GNB1: variants seen among roughly 807,000 people sequenced by gnomAD.
GNB1 encodes the protein guanine nucleotide-binding protein G(I)/G(S)/G(T) subunit beta-1.
GNB1 carries 2 observed loss-of-function variants against 42.9 expected under a neutral mutation model. The observed-to-expected ratio is 0.05, with a 90% CI of 0.02 to 0.15. The LOEUF (loss-of-function observed/expected upper bound fraction) is 0.15. Among genes scored for constraint, GNB1 ranks in the 10% least tolerant of loss-of-function variants. The pLI, the probability that GNB1 is intolerant of heterozygous loss-of-function variation, is 1.00. For missense variants in GNB1, 193 were observed against 462.2 expected (o/e 0.42, Z 5.34); for synonymous variants, 183 against 174.7 (o/e 1.05, Z -0.38).
chr1:1,876,784 G>A (rs1557948243), intron 1 of GNB1, among the ~76,000 whole-genome samples: 1 of 152,192 alleles, frequency 6.6e-6, no homozygotes, highest in Admixed American at 6.6e-5. Context: ...TTTGTAGCAT[G>A]TCATTCAGTC....
chr1:1,816,911 G>A (rs539504031), intron 4 of GNB1, among the ~76,000 whole-genome samples: 1 of 152,238 alleles, frequency 6.6e-6, no homozygotes, highest in Non-Finnish European at 1.5e-5. Flanking sequence ...GCCTCCCAAA[G>A]TGCTGGGATG....
chr1:1,824,484 A>C (rs1476248178), intron 3 of GNB1, among the ~76,000 whole-genome samples: 1 of 152,168 alleles, frequency 6.6e-6, no homozygotes, highest in East Asian at 1.9e-4. Flanking sequence ...ATCCTACATC[A>C]GTCACAGACT....
chr1:1,863,955 T>G (rs1648770521), intron 1 of GNB1, among the ~76,000 whole-genome samples: 1 of 152,118 alleles, frequency 6.6e-6, no homozygotes, highest in African/African-American at 2.4e-5. Flanking sequence ...TCCTAAAATT[T>G]TGGAAGGCCA....
chr1:1,792,527 T>C (rs1483735964), intron 8 of GNB1, among the ~76,000 whole-genome samples: 3 of 151,306 alleles, frequency 2.0e-5, no homozygotes, highest in African/African-American at 7.3e-5. Context: ...TGAAATCCCG[T>C]CTCTACTGAA....
At chr1:1,842,134 T>C (rs1647263598) in intron 1 of GNB1, among the ~76,000 whole-genome samples, 2 of 151,894 alleles carry the variant, frequency 1.3e-5, no homozygotes, top group African/African-American at 4.8e-5. Flanking sequence ...TCGTCTCTAT[T>C]AAAAATACAA....
At chr1:1,794,660 A>G (rs949797730) in intron 7 of GNB1, among the ~76,000 whole-genome samples, 10 of 152,244 alleles carry the variant, frequency 6.6e-5, no homozygotes, top group African/African-American at 2.2e-4. Flanking sequence ...GTGTAAGATT[A>G]CAGAGAAAAC....
At chr1:1,860,319 T>C (rs896075601) in intron 1 of GNB1, among the ~76,000 whole-genome samples, 1 of 152,142 alleles carries the variant, frequency 6.6e-6, no homozygotes, top group African/African-American at 2.4e-5. Context: ...GAAAACTGAC[T>C]GTTGGGTACT....
intron 2 of GNB1, among the ~76,000 whole-genome samples, chr1:1,830,365 A>T (rs1647059145): frequency 6.7e-6 from 1 of 149,258 alleles, no homozygotes; most frequent in Non-Finnish European, 1.5e-5. Flanking sequence ...GGTTCACGCC[A>T]CTCTCCTGCC....
At chr1:1,875,771 G>C (rs996203319) in intron 1 of GNB1, among the ~76,000 whole-genome samples, 15 of 152,144 alleles carry the variant, frequency 9.9e-5, no homozygotes, top group African/African-American at 2.9e-4. Context: ...GACATGGAAG[G>C]CAAGAGAGCT....
chr1:1,829,832 G>T (rs750660785), intron 2 of GNB1, among the ~76,000 whole-genome samples: 1 of 151,932 alleles, frequency 6.6e-6, no homozygotes, highest in Non-Finnish European at 1.5e-5. Flanking sequence ...TCCGCCTCCC[G>T]ATTTCAAGCG....
intron 1 of GNB1, among the ~76,000 whole-genome samples, chr1:1,866,347 T>G (rs939835012): frequency 4.6e-5 from 7 of 152,238 alleles, no homozygotes; most frequent in Admixed American, 3.9e-4. Context: ...GCATAATTTT[T>G]CACAAGTCAA....
intron 6 of GNB1, 102 bp from the exon 7 acceptor site, chr1:1,804,683 G>C (rs930985494): frequency 1.1e-6 from 1 of 892,730 alleles, no homozygotes. Context: ...GGAGGTAACA[G>C]AACAAAATAA....
chr1:1,845,535 T>C (rs1647597647), intron 1 of GNB1, among the ~76,000 whole-genome samples: 1 of 152,060 alleles, frequency 6.6e-6, no homozygotes, highest in African/African-American at 2.4e-5. Flanking sequence ...ATCGTGCCAC[T>C]GCACTCCAGC....
chr1:1,835,222 C>G (rs564404384), intron 2 of GNB1, among the ~76,000 whole-genome samples: 22 of 152,310 alleles, frequency 1.4e-4, no homozygotes, highest in Admixed American at 1.2e-3. Flanking sequence ...TGATGTCTGA[C>G]AGCCCTGGCT....
chr1:1,801,412 C>T (rs1250104781), intron 7 of GNB1, among the ~76,000 whole-genome samples: 1 of 152,196 alleles, frequency 6.6e-6, no homozygotes, highest in Non-Finnish European at 1.5e-5. Context: ...AACAATGCAT[C>T]ATGGAGCTAA....
intron 1 of GNB1, among the ~76,000 whole-genome samples, chr1:1,889,580 G>A (rs1172577867): frequency 6.6e-6 from 1 of 151,860 alleles, no homozygotes; most frequent in Admixed American, 6.6e-5. Flanking sequence ...GGGAGGCTGA[G>A]GCGGGAGGAT....
chr1:1,856,322 C>A (rs937441675), intron 1 of GNB1, among the ~76,000 whole-genome samples: 5 of 152,200 alleles, frequency 3.3e-5, no homozygotes, highest in African/African-American at 9.7e-5. Context: ...TGGGGTCTCG[C>A]TATGTTGCCC....
In GNB1 at chr1:1,873,782, C is replaced by A. The variant is rs377050354; in HGVS notation, c.-96+17038G>T. 1.2e-4 allele frequency among the ~76,000 whole-genome samples: 18 copies of A among 152,270 alleles called. No individual in the cohort carries two copies. The East Asian group carries it at 2.7e-3, about 23-fold the overall frequency. On this transcript the variant is annotated intron_variant, in intron 1 of 11. Coordinates refer to ENST00000378609, the MANE Select transcript of GNB1 (RefSeq NM_002074.5). ...ACAGTGAGCCAAGATGGTGCCACTG[C>A]ACTCCAGCCTGGGCGACAGAGCAAG...
At chr1:1,797,238 C>T (rs1429977428) in intron 7 of GNB1, among the ~76,000 whole-genome samples, 3 of 152,084 alleles carry the variant, frequency 2.0e-5, no homozygotes, top group African/African-American at 7.2e-5. Flanking sequence ...TGTGAACTGC[C>T]TAAATGTCTC....
Sources: allele counts gnomAD v4.1 joint callset (sites outside exome capture counted in the v4.1 genomes callset), GRCh38; gene constraint gnomAD v4.1.1; transcripts MANE v1.5; gene names NCBI Gene and HGNC (gene_info 2026-07-23, HGNC 2026-07-21).